The following LRRC4C variants were observed in gnomAD, a reference collection of about 807,000 sequenced individuals.
LRRC4C encodes the protein leucine rich repeat containing 4C.
Under a neutral mutation model 33.6 loss-of-function variants are expected in LRRC4C, and 5 were observed. The observed-to-expected ratio is 0.15, with a 90% CI of 0.08 to 0.31. The LOEUF is 0.31. LRRC4C is among the 10% of genes least tolerant of loss of function. The pLI is 1.00. For missense variants in LRRC4C, 560 were observed against 796.7 expected (o/e 0.70, Z 3.58); for synonymous variants, 329 against 302.0 (o/e 1.09, Z -0.93).
At chr11:40,925,009 A>G (rs911867471) in intron 2 of LRRC4C, among the ~76,000 whole-genome samples, 20 of 152,066 alleles carry the variant, frequency 1.3e-4, no homozygotes, top group Non-Finnish European at 2.5e-4. Context: ...AGCCAAGAGG[A>G]GCTTGGGTTC....
chr11:41,260,988 G>T (rs1259206880), intron 1 of LRRC4C, among the ~76,000 whole-genome samples: 1 of 152,020 alleles, frequency 6.6e-6, no homozygotes, highest in Non-Finnish European at 1.5e-5. Flanking sequence ...CTCTTTTAAG[G>T]CAGAATATTG....
intron 3 of LRRC4C, among the ~76,000 whole-genome samples, chr11:40,616,023 C>T (rs11035960): frequency 0.021 from 3,169 of 151,500 alleles, 116 homozygotes; most frequent in African/African-American, 0.073. Context: ...AAGAGAATAT[C>T]AGGATCCGGA....
At chr11:40,818,636 A>C (rs1163925739) in intron 2 of LRRC4C, among the ~76,000 whole-genome samples, 1 of 152,040 alleles carries the variant, frequency 6.6e-6, no homozygotes, top group African/African-American at 2.4e-5. Flanking sequence ...TTTCAAAATA[A>C]TTTTAAGACC....
chr11:40,837,465 G>A (rs994533355), intron 2 of LRRC4C, among the ~76,000 whole-genome samples: 1 of 151,898 alleles, frequency 6.6e-6, no homozygotes, highest in African/African-American at 2.4e-5. Flanking sequence ...AGCAAAAGCT[G>A]AAAAAATATT....
intron 1 of LRRC4C, among the ~76,000 whole-genome samples, chr11:41,418,908 C>A (rs1339823544): frequency 6.6e-6 from 1 of 151,768 alleles, no homozygotes; most frequent in Non-Finnish European, 1.5e-5. Flanking sequence ...TTAAATATTA[C>A]CTTCACAAGT....
chr11:41,375,920 A>C (rs1952920622), intron 1 of LRRC4C, among the ~76,000 whole-genome samples: 1 of 152,056 alleles, frequency 6.6e-6, no homozygotes, highest in South Asian at 2.1e-4. Context: ...TGGCGTTCAC[A>C]CTAACTTGCA....
chr11:40,351,974 C>T (rs182256194), intron 3 of LRRC4C, among the ~76,000 whole-genome samples: 5 of 152,050 alleles, frequency 3.3e-5, no homozygotes, highest in South Asian at 2.1e-4. Context: ...ATTATTCATT[C>T]GGCCACTCTA....
intron 1 of LRRC4C, among the ~76,000 whole-genome samples, chr11:40,980,321 T>C (rs1053127035): frequency 2.6e-5 from 4 of 152,158 alleles, no homozygotes; most frequent in African/African-American, 7.2e-5. Context: ...AAGTTTGTTG[T>C]TGTCAAAAAA....
At chr11:40,513,565 C>A (rs577298655) in intron 3 of LRRC4C, among the ~76,000 whole-genome samples, 1 of 152,056 alleles carries the variant, frequency 6.6e-6, no homozygotes, top group Non-Finnish European at 1.5e-5. Context: ...CCTCTTAGAG[C>A]AATGGGAAGC....
intron 3 of LRRC4C, among the ~76,000 whole-genome samples, chr11:40,562,658 A>G (rs1201588507): frequency 6.6e-6 from 1 of 152,060 alleles, no homozygotes; most frequent in Non-Finnish European, 1.5e-5. Flanking sequence ...ATTTCAAACT[A>G]CCTTAAGTGT....
intron 1 of LRRC4C, among the ~76,000 whole-genome samples, chr11:41,141,858 T>A (rs1480385357): frequency 6.6e-6 from 1 of 152,168 alleles, no homozygotes; most frequent in African/African-American, 2.4e-5. Context: ...TCCTCACATA[T>A]GCTATTGGTG....
At chr11:40,610,590 A>C (rs1241577625) in intron 3 of LRRC4C, among the ~76,000 whole-genome samples, 1 of 151,892 alleles carries the variant, frequency 6.6e-6, no homozygotes, top group African/African-American at 2.4e-5. Context: ...AATTATCCTT[A>C]TTCACAAACA....
At chr11:40,117,988 TTC>T (rs1855556723) in intron 6 of LRRC4C, among the ~76,000 whole-genome samples, 1 of 150,074 alleles carries the variant, frequency 6.7e-6, no homozygotes, top group African/African-American at 2.4e-5. Flanking sequence ...TGGTTATTAT[TTC>T]ATATTAAAAA....
At chr11:40,633,215 G>A (rs1006342369) in intron 3 of LRRC4C, among the ~76,000 whole-genome samples, 1 of 152,046 alleles carries the variant, frequency 6.6e-6, no homozygotes, top group East Asian at 1.9e-4. Context: ...TGAAGAAATA[G>A]AAATATATAT....
At chr11:40,155,865 C>G (rs2135289063) in intron 5 of LRRC4C, among the ~76,000 whole-genome samples, 1 of 152,160 alleles carries the variant, frequency 6.6e-6, no homozygotes, top group South Asian at 2.1e-4. Context: ...GCCAGCATCA[C>G]CCTAATACCA....
intron 5 of LRRC4C, among the ~76,000 whole-genome samples, chr11:40,216,733 T>C (rs1273319267): frequency 6.6e-6 from 1 of 152,110 alleles, no homozygotes; most frequent in East Asian, 1.9e-4. Flanking sequence ...TGAAAACAAA[T>C]GGCATAATCA....
intron 1 of LRRC4C, among the ~76,000 whole-genome samples, chr11:41,422,121 T>G (rs914833906): frequency 1.3e-5 from 2 of 151,868 alleles, no homozygotes; most frequent in African/African-American, 4.8e-5. Flanking sequence ...GTGATTAGAG[T>G]AATAACTAAA....
intron 1 of LRRC4C, among the ~76,000 whole-genome samples, chr11:41,256,773 T>C (rs766175357): frequency 6.6e-6 from 1 of 151,996 alleles, no homozygotes. Context: ...TTTAAGGCCA[T>C]AGACCATAAA....
At chr11:40,253,907 G>A (rs945429217) in intron 4 of LRRC4C, among the ~76,000 whole-genome samples, 1 of 152,188 alleles carries the variant, frequency 6.6e-6, no homozygotes, top group Non-Finnish European at 1.5e-5. Flanking sequence ...CTTACGTTAT[G>A]AAGATTTTAT....
Sources: allele counts gnomAD v4.1 joint callset (sites outside exome capture counted in the v4.1 genomes callset), GRCh38; gene constraint gnomAD v4.1.1; transcripts MANE v1.5; gene names NCBI Gene and HGNC (gene_info 2026-07-23, HGNC 2026-07-21).